The following SPAG16 variants were observed in gnomAD, a reference collection of about 807,000 sequenced individuals.
The protein encoded by SPAG16 is sperm associated antigen 16.
A neutral mutation model predicts 80.4 loss-of-function variants in SPAG16; 86 were observed. That is an observed-to-expected ratio of 1.07 (90% CI 0.90 to 1.28). The LOEUF (loss-of-function observed/expected upper bound fraction) is 1.28. Ranked by LOEUF, SPAG16 falls within the 50% of genes most tolerant of loss-of-function variation. The probability of loss-of-function intolerance (pLI) is 0.00; values close to 1 mark genes in which losing one functional copy is unlikely to be tolerated. For synonymous variants in SPAG16, 294 were observed against 265.9 expected (o/e 1.11, Z -1.03); for missense variants, 870 against 765.3 (o/e 1.14, Z -1.61).
chr2:214,258,398 G>C (rs913331667), intron 15 of SPAG16, among the ~76,000 whole-genome samples: 1 of 151,246 alleles, frequency 6.6e-6, no homozygotes, highest in Non-Finnish European at 1.5e-5. Context: ...CATCCAAGTT[G>C]CTGCAAATGC....
chr2:213,763,992 T>C (rs886095840), intron 10 of SPAG16, among the ~76,000 whole-genome samples: 2 of 152,026 alleles, frequency 1.3e-5, no homozygotes, highest in African/African-American at 4.8e-5. Flanking sequence ...ATGTGAAGGG[T>C]GGGTGTGGAT....
At chr2:214,043,910 A>G (rs1435635986) in intron 13 of SPAG16, among the ~76,000 whole-genome samples, 2 of 152,134 alleles carry the variant, frequency 1.3e-5, no homozygotes, top group African/African-American at 4.8e-5. Context: ...GTATACATAT[A>G]CCATATAAGT....
At chr2:213,845,349 T>C (rs1310337926) in intron 10 of SPAG16, among the ~76,000 whole-genome samples, 2 of 151,826 alleles carry the variant, frequency 1.3e-5, no homozygotes, top group Non-Finnish European at 2.9e-5. Flanking sequence ...AGGCATCCGC[T>C]ACCACGCCCA....
chr2:214,053,307 A>G (rs721759), intron 13 of SPAG16, among the ~76,000 whole-genome samples: 146,545 of 152,270 alleles, frequency 0.96, 70,695 homozygotes, highest in Non-Finnish European at 0.99. Flanking sequence ...CTAGAACAAA[A>G]AAAAATGAAA....
At chr2:213,638,260 C>T (rs187354878) in intron 10 of SPAG16, among the ~76,000 whole-genome samples, 4 of 152,072 alleles carry the variant, frequency 2.6e-5, no homozygotes, top group African/African-American at 9.6e-5. Context: ...GCTCTGATCT[C>T]GCTTATGTCT....
chr2:214,176,535 A>G (rs1320771343), intron 15 of SPAG16, among the ~76,000 whole-genome samples: 1 of 151,310 alleles, frequency 6.6e-6, no homozygotes, highest in Non-Finnish European at 1.5e-5. Flanking sequence ...CTATGCACAA[A>G]GAAAATGAAA....
intron 15 of SPAG16, among the ~76,000 whole-genome samples, chr2:214,216,212 C>T (rs192978338): frequency 0.013 from 2,049 of 152,062 alleles, 23 homozygotes; most frequent in Non-Finnish European, 0.023. Flanking sequence ...CAGATATTGG[C>T]AAAATACATA....
intron 12 of SPAG16, among the ~76,000 whole-genome samples, chr2:213,961,590 T>TG (rs1326290184): frequency 1.5e-4 from 23 of 151,322 alleles, no homozygotes; most frequent in African/African-American, 2.4e-4. Context: ...CCCTAGTTTT[T>TG]TTTTTTTTTT....
chr2:214,390,412 T>G (rs1180062504), intron 15 of SPAG16, among the ~76,000 whole-genome samples: 1 of 151,658 alleles, frequency 6.6e-6, no homozygotes, highest in East Asian at 1.9e-4. Flanking sequence ...GATTTCAAAT[T>G]CTCTCAAGGC....
At chr2:213,709,594 GA>G (rs1487967341) in intron 10 of SPAG16, among the ~76,000 whole-genome samples, 2 of 149,708 alleles carry the variant, frequency 1.3e-5, no homozygotes, top group East Asian at 2.0e-4. Flanking sequence ...TACTAGGAGG[GA>G]AAAAATAAAC....
intron 10 of SPAG16, among the ~76,000 whole-genome samples, chr2:213,506,692 T>G (rs6753825): frequency 0.28 from 42,250 of 152,086 alleles, 6,559 homozygotes; most frequent in Middle Eastern, 0.44. Context: ...TAAATTGGGA[T>G]GCCTTATGTT....
chr2:213,701,458 G>A (rs536640093), intron 10 of SPAG16, among the ~76,000 whole-genome samples: 10 of 152,236 alleles, frequency 6.6e-5, no homozygotes, highest in Admixed American at 2.0e-4. Context: ...CTCTGGCCAC[G>A]CTTGAGGAGT....
rs576854706 is a variant in SPAG16 at position 214,392,046 on chromosome 2, G to A, written c.1721-18094G>A. 3.9e-5 allele frequency among the ~76,000 whole-genome samples: 6 copies of A among 152,326 alleles called. No individual in the cohort carries two copies. The South Asian group carries it at 1.2e-3, about 32-fold the overall frequency. ...TTCCTGGAACACAGGTCACCAGTGA[G>A]CAAACCACAAGATTCATTGCTGAAG... On this transcript the variant is annotated intron_variant, in intron 15 of 15. Coordinates refer to ENST00000331683, the MANE Select transcript of SPAG16 (RefSeq NM_024532.5).
intron 15 of SPAG16, among the ~76,000 whole-genome samples, chr2:214,250,639 TTATA>T (rs1162991907): frequency 6.9e-6 from 1 of 145,416 alleles, no homozygotes; most frequent in Non-Finnish European, 1.5e-5. Flanking sequence ...ATATAAATAT[TTATA>T]TATTTCTATT....
At position 213,364,129 on chromosome 2, in the gene SPAG16, T is replaced by C; in HGVS notation, c.816T>C (p.His272=). The C allele has an allele frequency of 6.6e-7, 1 of 1,520,970 alleles. No individual in the cohort carries two copies. The highest frequency in any genetic ancestry group is 8.8e-7 in the Non-Finnish European group (1 of 1,136,686). The allele number at this position is 1,520,970 out of a possible 1,614,324, so 94.2% of individuals were successfully genotyped here. A position where few individuals can be genotyped will look rare whatever the true frequency, so the allele number is the denominator to read the frequency against. ...AACTGCAAAGAGGACATAGTTACCA[T>C]GGTCCTCAAATTAAAGGTAAATGTA... The part of the protein sequence containing the change: ...LKKLQRGHSY[H]GPQIKVDHSR... Residue 272 remains histidine (H), a synonymous_variant, in exon 8 of 16, where the codon CAT becomes CAC. Coordinates refer to ENST00000331683, the MANE Select transcript of SPAG16 (RefSeq NM_024532.5).
At chr2:213,779,480 A>G (rs1003728167) in intron 10 of SPAG16, among the ~76,000 whole-genome samples, 34 of 152,160 alleles carry the variant, frequency 2.2e-4, no homozygotes, top group East Asian at 5.8e-4. Flanking sequence ...GCCCTCTTCT[A>G]TATTTTGGTT....
chr2:213,447,542 A>G (rs1195607484), intron 9 of SPAG16, among the ~76,000 whole-genome samples: 1 of 152,108 alleles, frequency 6.6e-6, no homozygotes, highest in African/African-American at 2.4e-5. Context: ...TTCTCAATCC[A>G]GGTATGCCCC....
intron 10 of SPAG16, among the ~76,000 whole-genome samples, chr2:213,783,212 A>G (rs545586733): frequency 2.6e-4 from 39 of 151,292 alleles, no homozygotes; most frequent in Non-Finnish European, 3.8e-4. Flanking sequence ...CCATGTCCCT[A>G]CAAAGGACAT....
intron 10 of SPAG16, among the ~76,000 whole-genome samples, chr2:213,610,549 A>G (rs1418839900): frequency 6.6e-6 from 1 of 152,106 alleles, no homozygotes; most frequent in Non-Finnish European, 1.5e-5. Context: ...TTTTTTCTGT[A>G]ACCTTGCTAC....
Sources: allele counts gnomAD v4.1 joint callset (sites outside exome capture counted in the v4.1 genomes callset), GRCh38; gene constraint gnomAD v4.1.1; transcripts MANE v1.5; gene names NCBI Gene and HGNC (gene_info 2026-07-23, HGNC 2026-07-21).